ZNF75D: variants seen among roughly 807,000 people sequenced by gnomAD.
ZNF75D encodes zinc finger protein 75.
In ZNF75D, 33 loss-of-function variants were observed where a neutral mutation model predicts 33.3. That is an observed-to-expected ratio of 0.99 (90% CI 0.75 to 1.32). The LOEUF (loss-of-function observed/expected upper bound fraction) is 1.32. Among genes scored for constraint, ZNF75D ranks in the 40% most tolerant of loss-of-function variants. ZNF75D has a pLI of 0.00. For missense variants in ZNF75D, 338 were observed against 367.5 expected (o/e 0.92, Z 0.66); for synonymous variants, 113 against 130.6 (o/e 0.87, Z 0.92).
intron 1 of ZNF75D, among the ~76,000 whole-genome samples, chrX:135,298,997 T>A (rs782188230): frequency 2.7e-5 from 3 of 112,683 alleles, no homozygotes; most frequent in Non-Finnish European, 5.6e-5. Flanking sequence ...AATATACCAT[T>A]GTGTGGATAT....
At chrX:135,268,072 G>C (rs2083869411) in intron 1 of ZNF75D, among the ~76,000 whole-genome samples, 1 of 103,912 alleles carries the variant, frequency 9.6e-6, no homozygotes, top group Non-Finnish European at 2.0e-5. Flanking sequence ...ATTTCTTCAT[G>C]GTAAAAATCC....
chrX:135,284,292 T>C (rs1602593942), downstream of ZNF75D, among the ~76,000 whole-genome samples: 1 of 112,378 alleles, frequency 8.9e-6, no homozygotes, highest in African/African-American at 3.2e-5. Flanking sequence ...AGTTATGCAA[T>C]AGAATGACAT....
chrX:135,311,932 A>G (rs1293397953), intron 1 of ZNF75D, among the ~76,000 whole-genome samples: 3 of 112,035 alleles, frequency 2.7e-5, no homozygotes, highest in Non-Finnish European at 5.6e-5. Context: ...GGACTATGTA[A>G]TGATCAAGTA....
chrX:135,313,567 G>A (rs1254495785), intron 1 of ZNF75D, among the ~76,000 whole-genome samples: 3 of 111,081 alleles, frequency 2.7e-5, no homozygotes, highest in African/African-American at 9.8e-5. Flanking sequence ...AGATTGCTTT[G>A]GGCAATATGG....
At chrX:135,314,255 G>A (rs1393289496) in intron 1 of ZNF75D, among the ~76,000 whole-genome samples, 1 of 111,967 alleles carries the variant, frequency 8.9e-6, no homozygotes, top group Non-Finnish European at 1.9e-5. Flanking sequence ...TGATAATATA[G>A]TTATTGTTCT....
intron 1 of ZNF75D, among the ~76,000 whole-genome samples, chrX:135,257,337 G>T: frequency 9.1e-6 from 1 of 110,157 alleles, no homozygotes; most frequent in Admixed American, 9.6e-5. Flanking sequence ...CAAGCTGATG[G>T]AAGAGCCCTT....
intron 1 of ZNF75D, among the ~76,000 whole-genome samples, chrX:135,319,865 C>T (rs782015881): frequency 2.6e-4 from 29 of 112,546 alleles, no homozygotes; most frequent in Non-Finnish European, 2.4e-4. Context: ...GTGTGAGAAT[C>T]TTTTTGGCAT....
At position 135,305,287 on chromosome X, in the gene ZNF75D, C is replaced by T. The variant is rs150606657; in HGVS notation, c.-390-9248G>A. On this transcript the variant is annotated intron_variant, in intron 1 of 6. Coordinates refer to ENST00000370766, the MANE Select transcript of ZNF75D (RefSeq NM_007131.5). ...TCTCACAACACCCCTACCAGTGCTACCTGGGACTCCCTCCTACATAGGCAC... is the reference window on the plus strand; with the variant it reads ...TCTCACAACACCCCTACCAGTGCTATCTGGGACTCCCTCCTACATAGGCAC... 8.4e-4 allele frequency among the ~76,000 whole-genome samples: 94 copies of T among 111,655 alleles called. 1 individual carries two copies. The highest frequency in any genetic ancestry group is 3.0e-3 in the African/African-American group (91 of 30,781).
chrX:135,285,383 G>C (rs927032003), downstream of ZNF75D, among the ~76,000 whole-genome samples: 4 of 111,951 alleles, frequency 3.6e-5, no homozygotes, highest in Non-Finnish European at 7.5e-5. Context: ...TCAGTGTATT[G>C]TTTCAGGCTG....
At chrX:135,273,229 C>G (rs1556417186) in intron 1 of ZNF75D, among the ~76,000 whole-genome samples, 1 of 111,417 alleles carries the variant, frequency 9.0e-6, no homozygotes, top group Admixed American at 9.6e-5. Context: ...AGCGCCTAAA[C>G]ATGGAGGCAA....
downstream of ZNF75D, among the ~76,000 whole-genome samples, chrX:135,284,161 A>G (rs1556418969): frequency 9.0e-6 from 1 of 111,676 alleles, no homozygotes; most frequent in African/African-American, 3.3e-5. Context: ...ACTCTGTCCC[A>G]TGAATGAATA....
intron 1 of ZNF75D, among the ~76,000 whole-genome samples, chrX:135,258,397 T>C (rs1556414835): frequency 9.0e-6 from 1 of 110,900 alleles, no homozygotes; most frequent in Non-Finnish European, 1.9e-5. Flanking sequence ...GTTGAACCAA[T>C]TTACACTCCC....
At chrX:135,280,734 C>T (rs2083917070) in intron 1 of ZNF75D, among the ~76,000 whole-genome samples, 1 of 111,560 alleles carries the variant, frequency 9.0e-6, no homozygotes, top group South Asian at 3.8e-4. Flanking sequence ...TTTTATTTCT[C>T]CTTTGCTTAT....
At chrX:135,309,243 C>T (rs1424134392) in intron 1 of ZNF75D, among the ~76,000 whole-genome samples, 1 of 111,892 alleles carries the variant, frequency 8.9e-6, no homozygotes, top group Non-Finnish European at 1.9e-5. Context: ...CAGATTGATA[C>T]AACAGTGTGT....
intron 1 of ZNF75D, among the ~76,000 whole-genome samples, chrX:135,309,832 G>A (rs1556427108): frequency 8.9e-6 from 1 of 111,937 alleles, no homozygotes; most frequent in Non-Finnish European, 1.9e-5. Flanking sequence ...TGTGTTTGCT[G>A]ACAGGGCTTA....
chrX:135,323,031 T>C (rs73224780), intron 1 of ZNF75D, among the ~76,000 whole-genome samples: 28,330 of 111,680 alleles, frequency 0.25, 2,837 homozygotes, highest in South Asian at 0.43. Flanking sequence ...AATCCAGAGG[T>C]ATAAAAACAA....
intron 1 of ZNF75D, among the ~76,000 whole-genome samples, chrX:135,335,411 C>T (rs17341595): frequency 0.22 from 24,360 of 110,357 alleles, 2,051 homozygotes; most frequent in East Asian, 0.42. Context: ...CCAGGACTTA[C>T]CTAATGCCTC....
At position 135,342,086 on chromosome X, in the gene ZNF75D, T is replaced by C. The variant is rs2084791513; in HGVS notation, c.-709A>G. 1 of 112,165 alleles carries C rather than the reference T, an allele frequency of 8.9e-6. No homozygotes were observed. The highest frequency in any genetic ancestry group is 1.9e-5 in the Non-Finnish European group (1 of 53,228). The allele number at this position is 112,165 out of a possible 1,213,427, so 9.2% of individuals were successfully genotyped here. ...CATCATAGTTTAGTTCACAGGGATCTTATCACCTTTCTCTTTCACAAGACA... is the reference window on the plus strand; with the variant it reads ...CATCATAGTTTAGTTCACAGGGATCCTATCACCTTTCTCTTTCACAAGACA... On this transcript the variant is annotated 5_prime_UTR_variant, in exon 1 of 7. Transcript: ENST00000370766.
Position 135,344,083 on chromosome X carries a change from G to C in ZNF75D, c.-2706C>G, listed in dbSNP as rs1030996611. 5.3e-5 allele frequency: 6 copies of C among 112,305 alleles called. No homozygotes were observed. The highest frequency in any genetic ancestry group is 1.1e-4 in the Non-Finnish European group (6 of 53,228). The allele number at this position is 112,305 out of a possible 1,213,427, so 9.3% of individuals were successfully genotyped here. On this transcript the variant is annotated 5_prime_UTR_variant, in exon 1 of 7. Transcript: ENST00000370766. ...GCTGCGTTTCCCGAACGACACCATT[G>C]TATCAAGCGGCCATTGGATCAGGTC...
Sources: allele counts gnomAD v4.1 joint callset (sites outside exome capture counted in the v4.1 genomes callset), GRCh38; gene constraint gnomAD v4.1.1; transcripts MANE v1.5; gene names NCBI Gene and HGNC (gene_info 2026-07-23, HGNC 2026-07-21).